RGL1: variants seen among roughly 807,000 people sequenced by gnomAD.
RGL1 encodes the protein ral guanine nucleotide dissociation stimulator like 1.
RGL1 carries 24 observed loss-of-function variants against 95.2 expected under a neutral mutation model. The ratio of observed to expected loss-of-function variants is 0.25; its 90% CI spans 0.18 to 0.35. RGL1 has a LOEUF of 0.35. Ranked by LOEUF, RGL1 falls within the 10% of genes least tolerant of loss-of-function variation. RGL1 has a pLI of 1.00. For synonymous variants in RGL1, 329 were observed against 344.9 expected, an observed-to-expected ratio of 0.95 and a Z score of 0.51; for missense variants, 715 against 936.3, an observed-to-expected ratio of 0.76 and a Z score of 3.08.
intron 2 of RGL1, among the ~76,000 whole-genome samples, chr1:183,846,251 G>T (rs920110373): frequency 3.3e-5 from 5 of 152,146 alleles, no homozygotes; most frequent in Admixed American, 3.3e-4. Flanking sequence ...GAGGGACATG[G>T]ATGAAGCTGG....
At chr1:183,749,281 T>C (rs1480903792) in intron 2 of RGL1, among the ~76,000 whole-genome samples, 1 of 152,238 alleles carries the variant, frequency 6.6e-6, no homozygotes, top group African/African-American at 2.4e-5. Context: ...TCTAAGAACT[T>C]GCTTTATGAA....
At chr1:183,871,669 A>G (rs1395460483) in intron 4 of RGL1, among the ~76,000 whole-genome samples, 1 of 152,258 alleles carries the variant, frequency 6.6e-6, no homozygotes, top group Non-Finnish European at 1.5e-5. Flanking sequence ...CAGAGGGTAA[A>G]AGAACTTTAA....
intron 9 of RGL1, among the ~76,000 whole-genome samples, chr1:183,893,208 C>T (rs987905579): frequency 2.0e-5 from 3 of 152,170 alleles, no homozygotes; most frequent in African/African-American, 7.2e-5. Flanking sequence ...GGATTACAGT[C>T]TCATGTGGGA....
chr1:183,773,759 A>G (rs1206073339), intron 2 of RGL1, among the ~76,000 whole-genome samples: 1 of 152,344 alleles, frequency 6.6e-6, no homozygotes, highest in East Asian at 1.9e-4. Flanking sequence ...TTGTTGCCTC[A>G]AAACATTCAT....
chr1:183,738,257 T>C (rs979573157), intron 1 of RGL1, among the ~76,000 whole-genome samples: 2 of 151,680 alleles, frequency 1.3e-5, no homozygotes, highest in African/African-American at 4.8e-5. Flanking sequence ...CCGTCTCTAC[T>C]AAAAAATACA....
chr1:183,721,880 A>G (rs1344883164), intron 1 of RGL1, among the ~76,000 whole-genome samples: 1 of 152,230 alleles, frequency 6.6e-6, no homozygotes, highest in South Asian at 2.1e-4. Flanking sequence ...GGTATTATTT[A>G]TGTGATCATT....
chr1:183,861,012 C>T (rs1665482445), intron 3 of RGL1, among the ~76,000 whole-genome samples: 1 of 152,068 alleles, frequency 6.6e-6, no homozygotes, highest in African/African-American at 2.4e-5. Flanking sequence ...CCCTGCTGCA[C>T]GTATTAGTTG....
chr1:183,745,874 A>G (rs891654443), intron 2 of RGL1, among the ~76,000 whole-genome samples: 1 of 152,116 alleles, frequency 6.6e-6, no homozygotes, highest in African/African-American at 2.4e-5. Context: ...GAGTATCAAC[A>G]TTTTTATATT....
chr1:183,737,803 T>C (rs1323960683), intron 1 of RGL1, among the ~76,000 whole-genome samples: 1 of 152,180 alleles, frequency 6.6e-6, no homozygotes, highest in African/African-American at 2.4e-5. Context: ...TTTGCTTTTA[T>C]GCTCTCTGAT....
At chr1:183,777,664 G>A (rs574472792) in intron 2 of RGL1, among the ~76,000 whole-genome samples, 1 of 152,336 alleles carries the variant, frequency 6.6e-6, no homozygotes, top group East Asian at 1.9e-4. Context: ...GCCCAAAGTT[G>A]CAGAATAACA....
At chr1:183,791,759 A>G (rs1015631936) in intron 2 of RGL1, among the ~76,000 whole-genome samples, 1 of 152,236 alleles carries the variant, frequency 6.6e-6, no homozygotes, top group African/African-American at 2.4e-5. Flanking sequence ...ACTGTATTCC[A>G]AGACTGATGC....
intron 9 of RGL1, 142 bp downstream of exon 9, chr1:183,892,303 TG>T: frequency 1.7e-6 from 1 of 589,038 alleles, no homozygotes; most frequent in East Asian, 2.8e-5. Flanking sequence ...TTTTTTTAAA[TG>T]CAGAATCTAA....
At position 183,643,864 on chromosome 1, in the gene RGL1, G is replaced by A. The variant is rs190769475; in HGVS notation, c.-33+7363G>A. ...TAACTAAACAATGCAATAAAACAATGTTCTATTGCCTTGGGTCCCAGATTT... is the reference window on the plus strand; with the variant it reads ...TAACTAAACAATGCAATAAAACAATATTCTATTGCCTTGGGTCCCAGATTT... On this transcript the variant is annotated intron_variant, in intron 1 of 18. Coordinates refer to the RGL1 transcript ENST00000304685. Among the ~76,000 whole-genome samples, 608 of 152,254 alleles carry A rather than the reference G, an allele frequency of 4.0e-3. 3 individuals are homozygous for A. Among genetic ancestry groups the A allele is most frequent in the Non-Finnish European group, 6.7e-3 (455 of 68,010 alleles).
intron 2 of RGL1, among the ~76,000 whole-genome samples, chr1:183,840,663 G>GACCA (rs1423615776): frequency 6.6e-6 from 1 of 151,624 alleles, no homozygotes; most frequent in Non-Finnish European, 1.5e-5. Flanking sequence ...AGGAGTTTGA[G>GACCA]ACCAGCTTGG....
chr1:183,684,857 T>C (rs1252324711), intron 1 of RGL1, among the ~76,000 whole-genome samples: 2 of 152,202 alleles, frequency 1.3e-5, no homozygotes, highest in Non-Finnish European at 2.9e-5. Flanking sequence ...CCCTGATCAC[T>C]TGTGCTTCCT....
At chr1:183,920,478 C>T (rs1669252249) in intron 16 of RGL1, among the ~76,000 whole-genome samples, 1 of 152,218 alleles carries the variant, frequency 6.6e-6, no homozygotes, top group Non-Finnish European at 1.5e-5. Flanking sequence ...AAGTTTGATT[C>T]AGCATCGCTT....
chr1:183,897,225 A>G (rs1362070402), intron 9 of RGL1, among the ~76,000 whole-genome samples: 1 of 152,182 alleles, frequency 6.6e-6, no homozygotes, highest in African/African-American at 2.4e-5. Context: ...AAATCAGGTG[A>G]TCTTCTTACA....
At chr1:183,716,606 C>A (rs1193235480) in intron 1 of RGL1, among the ~76,000 whole-genome samples, 1 of 152,220 alleles carries the variant, frequency 6.6e-6, no homozygotes, top group Non-Finnish European at 1.5e-5. Flanking sequence ...AGTCACATGG[C>A]TGCACCTAAC....
At chr1:183,881,226 C>T (rs144719132) in intron 5 of RGL1, among the ~76,000 whole-genome samples, 348 of 152,296 alleles carry the variant, frequency 2.3e-3, no homozygotes, top group Non-Finnish European at 3.7e-3. Context: ...ATCACAACCA[C>T]TCCCGTCTAG....
Sources: allele counts gnomAD v4.1 joint callset (sites outside exome capture counted in the v4.1 genomes callset), GRCh38; gene constraint gnomAD v4.1.1; transcripts MANE v1.5; gene names NCBI Gene and HGNC (gene_info 2026-07-23, HGNC 2026-07-21).